The following RAD51B variants were observed in gnomAD, a reference collection of about 807,000 sequenced individuals.
RAD51B encodes RAD51 paralog B.
Under a neutral mutation model 42.2 loss-of-function variants are expected in RAD51B, and 38 were observed. The observed-to-expected ratio is 0.90, with a 90% CI of 0.70 to 1.18. The LOEUF is 1.18. Ranked by LOEUF, RAD51B falls within the 50% of genes most tolerant of loss-of-function variation. The pLI is 0.00. For missense variants in RAD51B, 373 were observed against 400.7 expected (o/e 0.93, Z 0.59); for synonymous variants, 154 against 145.2 (o/e 1.06, Z -0.43).
chr14:68,127,298 C>T (rs531593630), intron 7 of RAD51B, among the ~76,000 whole-genome samples: 128 of 152,262 alleles, frequency 8.4e-4, no homozygotes, highest in African/African-American at 2.8e-3. Context: ...TGTTCACTCC[C>T]TGTGCTCTGC....
At chr14:68,674,988 A>T (rs551298266) in intron 11 of RAD51B, among the ~76,000 whole-genome samples, 4 of 152,214 alleles carry the variant, frequency 2.6e-5, no homozygotes, top group Non-Finnish European at 4.4e-5. Context: ...ATCTTCCTTT[A>T]AAGTGCCAAG....
chr14:68,332,595 G>T (rs1432609417), intron 8 of RAD51B, among the ~76,000 whole-genome samples: 2 of 152,098 alleles, frequency 1.3e-5, no homozygotes, highest in African/African-American at 4.8e-5. Flanking sequence ...CTTGGGGAAG[G>T]AGCTTATAAC....
At chr14:67,821,119 C>T (rs1057398041) in intron 1 of RAD51B, among the ~76,000 whole-genome samples, 14 of 152,148 alleles carry the variant, frequency 9.2e-5, no homozygotes, top group African/African-American at 2.2e-4. Context: ...CTTTTGCAGG[C>T]GAATTTGGGG....
At chr14:68,541,511 A>C (rs1887965629) in intron 10 of RAD51B, 2 of 985,390 alleles carry the variant, frequency 2.0e-6, no homozygotes, top group African/African-American at 3.5e-5. Flanking sequence ...ATTGAAGACC[A>C]CTTTGCCTTG....
At chr14:67,925,682 C>T (rs1001604521) in intron 7 of RAD51B, among the ~76,000 whole-genome samples, 3 of 152,214 alleles carry the variant, frequency 2.0e-5, no homozygotes, top group African/African-American at 7.2e-5. Context: ...CATTTCCTTT[C>T]TGCAGAGGTT....
chr14:67,988,955 C>G (rs1409065229), intron 7 of RAD51B, among the ~76,000 whole-genome samples: 2 of 152,204 alleles, frequency 1.3e-5, no homozygotes, highest in Admixed American at 1.3e-4. Flanking sequence ...AACTATTAGA[C>G]TTCTGAATTA....
intron 7 of RAD51B, among the ~76,000 whole-genome samples, chr14:67,949,248 A>G (rs2074396483): frequency 6.6e-6 from 1 of 152,154 alleles, no homozygotes; most frequent in Non-Finnish European, 1.5e-5. Context: ...TCACAGTAGA[A>G]CTTCTTTTAA....
chr14:67,972,903 AAG>A, intron 7 of RAD51B, among the ~76,000 whole-genome samples: 1 of 152,230 alleles, frequency 6.6e-6, no homozygotes, highest in East Asian at 1.9e-4. Flanking sequence ...CTAAATTTCT[AAG>A]CTGAACTCTT....
At chr14:68,263,127 C>T (rs148649922) in intron 7 of RAD51B, among the ~76,000 whole-genome samples, 1 of 152,330 alleles carries the variant, frequency 6.6e-6, no homozygotes, top group African/African-American at 2.4e-5. Context: ...AGAGATGATA[C>T]TGACCACCCT....
At chr14:67,951,243 TG>T (rs2074439464) in intron 7 of RAD51B, among the ~76,000 whole-genome samples, 1 of 152,146 alleles carries the variant, frequency 6.6e-6, no homozygotes, top group Non-Finnish European at 1.5e-5. Context: ...ACGTAGTTGG[TG>T]CCTGTAGTTT....
At chr14:68,151,834 T>C (rs2078392028) in intron 7 of RAD51B, among the ~76,000 whole-genome samples, 3 of 5,898 alleles carry the variant, frequency 5.1e-4, no homozygotes, top group African/African-American at 1.5e-3. Context: ...TTTTTTTTTT[T>C]TTTTTTTTTT....
At chr14:68,023,092 A>G (rs1387755570) in intron 7 of RAD51B, among the ~76,000 whole-genome samples, 2 of 152,056 alleles carry the variant, frequency 1.3e-5, no homozygotes, top group African/African-American at 2.4e-5. Flanking sequence ...TGTCTTTGCT[A>G]TTGTGCATAG....
chr14:68,293,577 C>G (rs1180511713), intron 8 of RAD51B, among the ~76,000 whole-genome samples: 1 of 152,174 alleles, frequency 6.6e-6, no homozygotes, highest in African/African-American at 2.4e-5. Context: ...CCTCCCCACT[C>G]CCAGCTCCAG....
intron 7 of RAD51B, among the ~76,000 whole-genome samples, chr14:68,286,258 A>G (rs1254231321): frequency 2.6e-5 from 4 of 152,200 alleles, no homozygotes; most frequent in Admixed American, 2.0e-4. Context: ...AGGTGACTCC[A>G]GTTCACTTGG....
chr14:68,039,153 G>A (rs557806652), intron 7 of RAD51B, among the ~76,000 whole-genome samples: 24 of 152,076 alleles, frequency 1.6e-4, no homozygotes, highest in African/African-American at 5.5e-4. Context: ...ATATCTGGCC[G>A]GGTGCGGTGG....
At chr14:68,571,087 AG>A (rs1566941320) in intron 10 of RAD51B, among the ~76,000 whole-genome samples, 2 of 152,286 alleles carry the variant, frequency 1.3e-5, no homozygotes, top group South Asian at 2.1e-4. Flanking sequence ...GAATTGGCAG[AG>A]GGGGGAGGCA....
chr14:68,521,878 C>G (rs1415980579), intron 10 of RAD51B, among the ~76,000 whole-genome samples: 1 of 152,222 alleles, frequency 6.6e-6, no homozygotes, highest in Admixed American at 6.5e-5. Flanking sequence ...ATTAAACCTA[C>G]ATTAACCCTA....
intron 7 of RAD51B, among the ~76,000 whole-genome samples, chr14:68,152,172 A>G (rs531062485): frequency 6.6e-6 from 1 of 152,136 alleles, no homozygotes; most frequent in African/African-American, 2.4e-5. Flanking sequence ...TTCTCGTGTT[A>G]TGTAGCTTTG....
At chr14:68,390,701 G>A (rs2083721868) in intron 8 of RAD51B, among the ~76,000 whole-genome samples, 1 of 152,168 alleles carries the variant, frequency 6.6e-6, no homozygotes, top group Non-Finnish European at 1.5e-5. Flanking sequence ...GATATTAGAG[G>A]CCCTGTGGTC....
Sources: gnomAD v4.1 joint callset for allele counts (sites outside exome capture counted in the v4.1 genomes callset) on GRCh38, gnomAD v4.1.1 for gene constraint, MANE v1.5 for transcripts, NCBI Gene and HGNC (gene_info 2026-07-23, HGNC 2026-07-21) for gene names.